Variants in USP25 observed in about 807,000 individuals in gnomAD.
USP25 encodes ubiquitin carboxyl-terminal hydrolase 25.
In USP25, 85 loss-of-function variants were observed where a neutral mutation model predicts 158.5. That is an observed-to-expected ratio of 0.54 (90% CI 0.45 to 0.64). The LOEUF (loss-of-function observed/expected upper bound fraction) is 0.64. USP25 is among the 30% of genes least tolerant of loss of function. USP25 has a pLI of 0.00. For missense variants in USP25, 1,242 were observed against 1,327.3 expected (o/e 0.94, Z 1.00); for synonymous variants, 464 against 460.4 (o/e 1.01, Z -0.10).
intron 1 of USP25, among the ~76,000 whole-genome samples, chr21:15,739,867 T>G (rs2031873931): frequency 6.6e-6 from 1 of 152,238 alleles, no homozygotes; most frequent in South Asian, 2.1e-4. Context: ...TGCATTTATT[T>G]TGGCAGACTT....
chr21:15,872,516 A>G (rs2039937596), intron 23 of USP25, among the ~76,000 whole-genome samples: 1 of 152,242 alleles, frequency 6.6e-6, no homozygotes, highest in South Asian at 2.1e-4. Context: ...TGTGCTAGTT[A>G]CTTATTAATT....
chr21:15,772,440 A>G (rs1368609296), intron 3 of USP25, among the ~76,000 whole-genome samples: 1 of 152,202 alleles, frequency 6.6e-6, no homozygotes, highest in Non-Finnish European at 1.5e-5. Context: ...GTGCTGTTGA[A>G]TTGTATTCAC....
intron 17 of USP25, 41 bp from the exon 18 acceptor site, chr21:15,842,357 T>C: frequency 6.3e-7 from 1 of 1,595,136 alleles, no homozygotes. Context: ...ATAGACTCTG[T>C]GGTTTATATT....
At chr21:15,789,519 G>A (rs2035475804) in intron 4 of USP25, among the ~76,000 whole-genome samples, 2 of 152,006 alleles carry the variant, frequency 1.3e-5, no homozygotes, top group African/African-American at 4.8e-5. Flanking sequence ...ATAGATTCAG[G>A]ATTACGTCTG....
In USP25 at chr21:15,875,632, C is replaced by T. The variant is rs1164592180; in HGVS notation, c.3009+1106C>T. On this transcript the variant is annotated intron_variant, in intron 24 of 25. Coordinates refer to ENST00000400183, the MANE Select transcript of USP25 (RefSeq NM_001283041.3). This position sits in a 1 kb window ranked among gnomAD's most constrained non-coding sequence, Gnocchi z 4.7. ...CCTTAAGAGACAAGGTAAACCTCGT[C>T]TGGATCTTGATGGATAAATAGAAGT... 6.6e-6 allele frequency among the ~76,000 whole-genome samples: 1 copy of T among 152,172 alleles called. No homozygotes were observed. The highest frequency in any genetic ancestry group is 1.5e-5 in the Non-Finnish European group (1 of 68,016).
chr21:15,740,175 G>A (rs988339292), intron 1 of USP25, among the ~76,000 whole-genome samples: 1 of 152,158 alleles, frequency 6.6e-6, no homozygotes, highest in Non-Finnish European at 1.5e-5. Context: ...CACCCTAGAC[G>A]TATTGTTTCA....
At chr21:15,873,370 C>T (rs2039970963) in intron 23 of USP25, among the ~76,000 whole-genome samples, 2 of 151,974 alleles carry the variant, frequency 1.3e-5, no homozygotes, top group Admixed American at 1.3e-4. Context: ...ATCCTGTCAC[C>T]ACCACCTCCC....
chr21:15,804,971 A>T, intron 6 of USP25, 150 bp from the exon 7 acceptor site: 1 of 790,322 alleles, frequency 1.3e-6, no homozygotes, highest in Non-Finnish European at 1.8e-6. Flanking sequence ...CCAACACTCT[A>T]CTTTCTTCAA....
At chr21:15,823,930 T>C in intron 10 of USP25, 109 bp from the exon 11 acceptor site, 1 of 1,105,074 alleles carries the variant, frequency 9.0e-7, no homozygotes, top group Non-Finnish European at 1.3e-6. Flanking sequence ...CAGGTCCGCA[T>C]TGTGGTGATA....
At chr21:15,830,480 A>C (rs2037744616) in intron 14 of USP25, 51 bp from the exon 15 acceptor site, 2 of 1,490,882 alleles carry the variant, frequency 1.3e-6, no homozygotes, top group Non-Finnish European at 1.8e-6. Flanking sequence ...CTTATCTTAT[A>C]AGTAGAAACA....
At chr21:15,815,113 T>A (rs2036869503) in intron 9 of USP25, among the ~76,000 whole-genome samples, 1 of 152,134 alleles carries the variant, frequency 6.6e-6, no homozygotes, top group African/African-American at 2.4e-5. Context: ...CTCGGCCCAT[T>A]GTTTCAGAGG....
intron 1 of USP25, among the ~76,000 whole-genome samples, chr21:15,747,729 A>G (rs747264729): frequency 6.6e-6 from 1 of 152,138 alleles, no homozygotes; most frequent in Non-Finnish European, 1.5e-5. Context: ...TGTGGGTGGC[A>G]TGGAGTGAGA....
At chr21:15,855,356 T>C (rs1450832874) in intron 20 of USP25, among the ~76,000 whole-genome samples, 2 of 152,176 alleles carry the variant, frequency 1.3e-5, no homozygotes, top group African/African-American at 2.4e-5. Flanking sequence ...TCAATAGATA[T>C]AAAAATGTTT....
At chr21:15,738,438 GT>G (rs1185023750) in intron 1 of USP25, among the ~76,000 whole-genome samples, 2 of 152,074 alleles carry the variant, frequency 1.3e-5, no homozygotes, top group African/African-American at 4.8e-5. Flanking sequence ...ATTAGGTCGT[GT>G]TTAATATCTC....
chr21:15,770,147 C>T (rs1039134554), intron 3 of USP25, among the ~76,000 whole-genome samples: 2 of 152,012 alleles, frequency 1.3e-5, no homozygotes, highest in Non-Finnish European at 2.9e-5. Context: ...GGATAATTCT[C>T]TTATGCTAAA....
intron 9 of USP25, among the ~76,000 whole-genome samples, chr21:15,812,587 C>T (rs1165416658): frequency 6.6e-6 from 1 of 151,394 alleles, no homozygotes; most frequent in East Asian, 2.0e-4. Flanking sequence ...GGAGGCGGAG[C>T]TTGCAGTGAG....
intron 4 of USP25, 99 bp downstream of exon 4, chr21:15,778,126 G>A: frequency 1.7e-6 from 2 of 1,158,846 alleles, no homozygotes; most frequent in East Asian, 2.8e-5. Context: ...GATATACTTT[G>A]TTACTCTAAA....
At chr21:15,848,408 T>C (rs1360453785) in intron 19 of USP25, among the ~76,000 whole-genome samples, 2 of 152,174 alleles carry the variant, frequency 1.3e-5, no homozygotes, top group Non-Finnish European at 2.9e-5. Context: ...GAAAATGATC[T>C]ATTGTCTTAT....
intron 1 of USP25, among the ~76,000 whole-genome samples, chr21:15,750,719 A>G (rs1237440392): frequency 6.7e-6 from 1 of 148,154 alleles, no homozygotes; most frequent in East Asian, 2.0e-4. Context: ...CCATTCTCCT[A>G]CCTCAGCCTC....
Sources: allele counts gnomAD v4.1 joint callset (sites outside exome capture counted in the v4.1 genomes callset), GRCh38; gene constraint gnomAD v4.1.1; non-coding constraint Gnocchi (gnomAD v3.1); transcripts MANE v1.5; gene names NCBI Gene and HGNC (gene_info 2026-07-23, HGNC 2026-07-21).